Variants in GRIP1 observed in about 807,000 individuals in gnomAD.
The protein encoded by GRIP1 is glutamate receptor-interacting protein 1.
Under a neutral mutation model 129.9 loss-of-function variants are expected in GRIP1, and 45 were observed. That is an observed-to-expected ratio of 0.35 (90% CI 0.27 to 0.44). GRIP1 has a LOEUF of 0.44. GRIP1 is among the 20% of genes least tolerant of loss of function. The pLI is 1.00. For missense variants in GRIP1, 1,196 were observed against 1,396.8 expected (o/e 0.86, Z 2.29); for synonymous variants, 530 against 520.8 (o/e 1.02, Z -0.24).
intron 7 of GRIP1, among the ~76,000 whole-genome samples, chr12:66,515,308 T>C (rs1188880117): frequency 6.6e-6 from 1 of 152,072 alleles, no homozygotes; most frequent in Non-Finnish European, 1.5e-5. Flanking sequence ...AATAATACTA[T>C]TTTTGTGATT....
intron 1 of GRIP1, among the ~76,000 whole-genome samples, chr12:66,711,334 G>A (rs2035706817): frequency 6.6e-6 from 1 of 151,818 alleles, no homozygotes; most frequent in South Asian, 2.1e-4. Context: ...GTAAATACAT[G>A]TCTCTGGGAA....
intron 2 of GRIP1, among the ~76,000 whole-genome samples, chr12:66,587,681 T>A (rs2063692348): frequency 6.6e-6 from 1 of 152,132 alleles, no homozygotes; most frequent in Non-Finnish European, 1.5e-5. Context: ...AAGTGAGAGA[T>A]CATTTTAGTT....
At chr12:66,613,686 T>C (rs1191452947) in intron 1 of GRIP1, among the ~76,000 whole-genome samples, 3 of 152,176 alleles carry the variant, frequency 2.0e-5, no homozygotes, top group Non-Finnish European at 4.4e-5. Flanking sequence ...TACTCTTGGG[T>C]ATTACAAATC....
intron 1 of GRIP1, among the ~76,000 whole-genome samples, chr12:67,044,011 G>A (rs2043217402): frequency 6.6e-6 from 1 of 152,046 alleles, no homozygotes; most frequent in South Asian, 2.1e-4. Flanking sequence ...GGGTAAAGCT[G>A]ACCCTGAGAG....
rs547352236 is a variant in GRIP1 at position 66,578,232 on chromosome 12, GT to G, written c.136+18614del. ...GCCTGACTAATATGGCAAAACCGCG[GT>G]TTTTTTTTTTTTTTTTGTAAAAATA... On this transcript the variant is annotated intron_variant, in intron 2 of 24. Transcript: ENST00000359742. Among the ~76,000 whole-genome samples the G allele has an allele frequency of 6.6e-4, 68 of 102,506 alleles. 2 individuals are homozygous for G. Among genetic ancestry groups the G allele is most frequent in the African/African-American group, 1.5e-3 (42 of 27,400 alleles). 67.2% of individuals were successfully genotyped at this position (102,506 alleles called of 152,430 possible).
intron 1 of GRIP1, among the ~76,000 whole-genome samples, chr12:66,962,929 C>T (rs1160419317): frequency 6.6e-6 from 1 of 152,018 alleles, no homozygotes; most frequent in Non-Finnish European, 1.5e-5. Context: ...CTTAACAATC[C>T]ACATCTAGAG....
chr12:67,003,388 A>G (rs1262408871), intron 1 of GRIP1, among the ~76,000 whole-genome samples: 1 of 152,150 alleles, frequency 6.6e-6, no homozygotes, highest in Non-Finnish European at 1.5e-5. Context: ...ATACATTTTG[A>G]CATCTTAAAA....
chr12:66,938,812 C>T (rs908905800), intron 1 of GRIP1, among the ~76,000 whole-genome samples: 17 of 152,062 alleles, frequency 1.1e-4, no homozygotes, highest in Admixed American at 7.2e-4. Context: ...CAAAAATTAG[C>T]CAGGCGTGGT....
At chr12:66,526,175 C>G (rs984805982) in intron 5 of GRIP1, among the ~76,000 whole-genome samples, 6 of 150,936 alleles carry the variant, frequency 4.0e-5, no homozygotes, top group Non-Finnish European at 7.4e-5. Flanking sequence ...TTGGAAAAAA[C>G]TACTTTAAAG....
chr12:66,480,630 C>T (rs2059773844), intron 7 of GRIP1, among the ~76,000 whole-genome samples: 1 of 152,100 alleles, frequency 6.6e-6, no homozygotes, highest in Non-Finnish European at 1.5e-5. Context: ...AAGAACAAAG[C>T]TGGAGGCATC....
At chr12:66,803,008 G>C (rs1374994831) in intron 1 of GRIP1, among the ~76,000 whole-genome samples, 1 of 152,206 alleles carries the variant, frequency 6.6e-6, no homozygotes, top group East Asian at 1.9e-4. Context: ...GCCACCACAT[G>C]AATTTTCAAC....
intron 1 of GRIP1, among the ~76,000 whole-genome samples, chr12:66,691,929 A>T (rs2034996546): frequency 6.6e-6 from 1 of 152,226 alleles, no homozygotes; most frequent in African/African-American, 2.4e-5. Context: ...GAGCTGATGG[A>T]AGTGCAAAGC....
intron 1 of GRIP1, among the ~76,000 whole-genome samples, chr12:66,736,365 TTTTTTTTTTTTTTTTTTTTTTTTTTTTA>T (rs1565995340): frequency 3.7e-5 from 2 of 53,924 alleles, no homozygotes; most frequent in African/African-American, 4.8e-5. Flanking sequence ...TTTTTTTTTT[TTTTTTTTTTTTTTTTTTTTTTTTTTTTA>T]GGATACAGGG....
chr12:66,419,176 A>G (rs1056668544), intron 15 of GRIP1, among the ~76,000 whole-genome samples: 2 of 152,200 alleles, frequency 1.3e-5, no homozygotes, highest in African/African-American at 4.8e-5. Flanking sequence ...ATTATGTTCA[A>G]TGAAATAAAC....
chr12:66,497,441 G>C (rs995173902), intron 7 of GRIP1, among the ~76,000 whole-genome samples: 1 of 152,182 alleles, frequency 6.6e-6, no homozygotes, highest in Non-Finnish European at 1.5e-5. Flanking sequence ...ACAGAACTTG[G>C]AAAGTCCCTG....
chr12:66,467,028 A>G (rs2059305540), intron 7 of GRIP1, among the ~76,000 whole-genome samples: 2 of 152,208 alleles, frequency 1.3e-5, no homozygotes, highest in Admixed American at 1.3e-4. Context: ...TATCCAGGCC[A>G]ACAACATGCA....
At chr12:66,700,309 T>C (rs2035305630) in intron 1 of GRIP1, among the ~76,000 whole-genome samples, 1 of 151,856 alleles carries the variant, frequency 6.6e-6, no homozygotes, top group Admixed American at 6.6e-5. Flanking sequence ...AAGTTCAGCC[T>C]GGGAGTGGCA....
chr12:66,835,522 C>T (rs1007795969), intron 1 of GRIP1, among the ~76,000 whole-genome samples: 16 of 152,032 alleles, frequency 1.1e-4, no homozygotes, highest in Admixed American at 2.6e-4. Context: ...CAGAAGGTGA[C>T]GGGATAAATA....
At chr12:66,388,563 G>A (rs1160665632) in intron 19 of GRIP1, among the ~76,000 whole-genome samples, 1 of 152,198 alleles carries the variant, frequency 6.6e-6, no homozygotes, top group Non-Finnish European at 1.5e-5. Context: ...TAAGATGCAA[G>A]GAGGCCAAAT....
Sources: allele counts gnomAD v4.1 joint callset (sites outside exome capture counted in the v4.1 genomes callset), GRCh38; gene constraint gnomAD v4.1.1; transcripts MANE v1.5; gene names NCBI Gene and HGNC (gene_info 2026-07-23, HGNC 2026-07-21).